Variants in MATR3 observed in about 807,000 individuals in gnomAD.
The protein encoded by MATR3 is matrin 3.
A neutral mutation model predicts 85.5 loss-of-function variants in MATR3; 4 were observed. The observed-to-expected ratio is 0.05, with a 90% CI of 0.02 to 0.11. The LOEUF (loss-of-function observed/expected upper bound fraction) is 0.11, where lower values mean the gene tolerates loss of function less well. Ranked by LOEUF, MATR3 falls within the 10% of genes least tolerant of loss-of-function variation. The pLI is 1.00. For missense variants in MATR3, 685 were observed against 1,016.1 expected (o/e 0.67, Z 4.43); for synonymous variants, 336 against 343.1 (o/e 0.98, Z 0.23).
At chr5:139,290,439 T>TTTTTTTTTTC (rs386405105), upstream of MATR3, among the ~76,000 whole-genome samples, 1 of 29,030 alleles carries the variant, frequency 3.4e-5, no homozygotes, top group African/African-American at 9.2e-5. Flanking sequence ...CTGGCCGCTC[T>TTTTTTTTTTC]TTTTTTTTTT....
At chr5:139,300,189 C>G (rs1255990412) in intron 1 of MATR3, among the ~76,000 whole-genome samples, 1 of 152,090 alleles carries the variant, frequency 6.6e-6, no homozygotes, top group Non-Finnish European at 1.5e-5. Context: ...ATGGTGAAAC[C>G]TTGTCTCTAC....
intron 1 of MATR3, among the ~76,000 whole-genome samples, chr5:139,304,500 GAA>G (rs781328136): frequency 2.5e-3 from 296 of 117,780 alleles, no homozygotes; most frequent in African/African-American, 8.5e-3. Flanking sequence ...AACTCCATCT[GAA>G]AAAAAAAAAA....
At chr5:139,281,851 G>A (rs958464720) in intron 3 of MATR3, among the ~76,000 whole-genome samples, 1 of 152,038 alleles carries the variant, frequency 6.6e-6, no homozygotes, top group African/African-American at 2.4e-5. Flanking sequence ...AAATAAGGAG[G>A]GTTTCCAAAC....
intron 1 of MATR3, among the ~76,000 whole-genome samples, chr5:139,295,480 A>C (rs1056055075): frequency 1.3e-5 from 2 of 152,232 alleles, no homozygotes; most frequent in Non-Finnish European, 2.9e-5. Context: ...TACTTTACCC[A>C]GAGAAGTTTC....
Position 139,329,336 on chromosome 5 carries a change from T to A in MATR3, c.2494-9T>A, listed in dbSNP as rs754580928. ...GTGACTTAATGGCTGTAATTCTCTT[T>A]CTTTATAGAAATTTCTGAATAAATT... On this transcript the variant is annotated splice_polypyrimidine_tract_variant and intron_variant, in intron 14 of 14. Transcript: ENST00000394805. 2 of 1,561,282 alleles carry A rather than the reference T, an allele frequency of 1.3e-6. No individual in the cohort carries two copies. The highest frequency in any genetic ancestry group is 1.8e-6 in the Non-Finnish European group (2 of 1,137,248).
At chr5:139,318,613 T>C (rs553070400) in intron 7 of MATR3, among the ~76,000 whole-genome samples, 2 of 152,212 alleles carry the variant, frequency 1.3e-5, no homozygotes, top group Non-Finnish European at 2.9e-5. Flanking sequence ...CAGCTAATTT[T>C]TGTATTTTTA....
At chr5:139,323,835 T>A (rs1364779530) in intron 12 of MATR3, among the ~76,000 whole-genome samples, 1 of 152,008 alleles carries the variant, frequency 6.6e-6, no homozygotes, top group Non-Finnish European at 1.5e-5. Context: ...AAGTTGCAGT[T>A]AGCCAAGATC....
Position 139,330,451 on chromosome 5 carries a change from C to G in MATR3, c.*1056C>G, listed in dbSNP as rs983790181. ...TTGGAATGTTAACCAACGTATTTGT[C>G]AGTTGTGGTTTTTATTCGCTCTTAA... is the stretch of plus-strand genomic sequence containing the variant. On this transcript the variant is annotated 3_prime_UTR_variant, in exon 15 of 15. Transcript: ENST00000394805. 1 of 454,312 alleles carries G rather than the reference C, an allele frequency of 2.2e-6. No homozygotes were observed. The highest frequency in any genetic ancestry group is 2.0e-5 in the African/African-American group (1 of 50,008). 28.1% of individuals were successfully genotyped at this position (454,312 alleles called of 1,614,324 possible). A position where few individuals can be genotyped will look rare whatever the true frequency, so the allele number is the denominator to read the frequency against.
intron 14 of MATR3, among the ~76,000 whole-genome samples, chr5:139,328,954 G>A (rs912753173): frequency 2.0e-5 from 3 of 151,880 alleles, no homozygotes; most frequent in Non-Finnish European, 4.4e-5. Context: ...GCAGTTAGCC[G>A]AGATCACGAC....
chr5:139,317,470 A>C (rs1429185403), intron 6 of MATR3, 126 bp from the exon 7 acceptor site: 6 of 934,860 alleles, frequency 6.4e-6, no homozygotes, highest in African/African-American at 1.7e-5. Flanking sequence ...ATTCTCTAGA[A>C]TGTTATGAGT....
At chr5:139,301,829 A>G (rs1754461596) in intron 1 of MATR3, among the ~76,000 whole-genome samples, 1 of 152,140 alleles carries the variant, frequency 6.6e-6, no homozygotes, top group African/African-American at 2.4e-5. Flanking sequence ...CTGGGAAAAA[A>G]TTTTAAACCT....
chr5:139,329,983 T>C lies in MATR3; in HGVS notation c.*588T>C, dbSNP rs1756056168. ...GAAATATTAAGTAATTGGCTTTAGA[T>C]TTTGTAATTTTTTTCCCTGAGTTCC... On this transcript the variant is annotated 3_prime_UTR_variant, in exon 15 of 15. Coordinates refer to ENST00000394805, the MANE Select transcript of MATR3 (RefSeq NM_018834.6). 2.2e-6 allele frequency: 1 copy of C among 452,966 alleles called. No homozygotes were observed. Among genetic ancestry groups the C allele is most frequent in the Non-Finnish European group, 4.4e-6 (1 of 225,958 alleles). 28.1% of individuals were successfully genotyped at this position (452,966 alleles called of 1,614,324 possible).
intron 2 of MATR3, among the ~76,000 whole-genome samples, chr5:139,277,883 C>A (rs1399793501): frequency 6.6e-6 from 1 of 151,500 alleles, no homozygotes; most frequent in Non-Finnish European, 1.5e-5. Context: ...CATCTAGCAC[C>A]TCACATACTT....
intron 9 of MATR3, 51 bp downstream of exon 9, chr5:139,319,552 G>A (rs773970333): frequency 6.5e-7 from 1 of 1,536,692 alleles, no homozygotes; most frequent in South Asian, 1.1e-5. Flanking sequence ...AAATCCTTAA[G>A]ATTTTTCAAT....
At chr5:139,316,008 AT>A in intron 4 of MATR3, 67 bp from the exon 5 acceptor site, 1 of 1,232,392 alleles carries the variant, frequency 8.1e-7, no homozygotes, top group Non-Finnish European at 1.2e-6. Context: ...GTGCTTTAAC[AT>A]TTAATCTTAA....
At chr5:139,327,166 T>C (rs570165542) in intron 14 of MATR3, among the ~76,000 whole-genome samples, 1 of 152,334 alleles carries the variant, frequency 6.6e-6, no homozygotes, top group South Asian at 2.1e-4. Context: ...CAATTATAGA[T>C]ACCTTGGTTT....
At position 139,322,879 on chromosome 5, in the gene MATR3, T is replaced by C. The variant is rs1318860923; in HGVS notation, c.2060T>C (p.Val687Ala). ...DETDLANLGD[V>A]ASDGKKEPSD... The stretch of plus-strand genomic sequence containing the variant: ...ACCGATCTTGCTAATTTAGGTGATG[T>C]GGCTTCTGATGGGAAAAAGGAACCA... The change falls in exon 12 of 15, where the codon GTG becomes GCG. Residue 687 changes from valine (V) to alanine (A), a missense_variant. Around this residue, in one of 9 missense-constraint regions of MATR3, gnomAD observed 215 missense variants for 194.7 expected, o/e 1.10. Coordinates refer to ENST00000394805, the MANE Select transcript of MATR3 (RefSeq NM_018834.6). The C allele has an allele frequency of 1.2e-6, 2 of 1,613,906 alleles. No individual in the cohort carries two copies. Among genetic ancestry groups the C allele is most frequent in the African/African-American group, 2.7e-5 (2 of 74,862 alleles).
At chr5:139,317,492 C>G (rs1158986857) in intron 6 of MATR3, 104 bp from the exon 7 acceptor site, 2 of 1,136,900 alleles carry the variant, frequency 1.8e-6, no homozygotes, top group South Asian at 2.6e-5. Flanking sequence ...GTTTTACTTA[C>G]ACTCTCCTGG....
chr5:139,319,102 A>T, intron 8 of MATR3, 69 bp downstream of exon 8: 1 of 1,518,462 alleles, frequency 6.6e-7, no homozygotes, highest in Non-Finnish European at 9.1e-7. Flanking sequence ...AACTGTGGTT[A>T]TTTCAAATTA....
Sources: gnomAD v4.1 joint callset for allele counts (sites outside exome capture counted in the v4.1 genomes callset) on GRCh38, gnomAD v4.1.1 for gene constraint, gnomAD v4.1.1 regional missense constraint, MANE v1.5 for transcripts, NCBI Gene and HGNC (gene_info 2026-07-23, HGNC 2026-07-21) for gene names.